KHDRBS2: variants seen among roughly 807,000 people sequenced by gnomAD.
KHDRBS2 encodes KH domain-containing, RNA-binding, signal transduction-associated protein 2.
In KHDRBS2, 26 loss-of-function variants were observed where a neutral mutation model predicts 44.3. The observed-to-expected ratio is 0.59, with a 90% CI of 0.43 to 0.81. KHDRBS2 has a LOEUF of 0.81. Ranked by LOEUF, KHDRBS2 falls within the 40% of genes least tolerant of loss-of-function variation. The probability of loss-of-function intolerance (pLI) is 0.00; values close to 1 mark genes in which losing one functional copy is unlikely to be tolerated. For missense variants in KHDRBS2, 476 were observed against 433.1 expected, an observed-to-expected ratio of 1.10 and a Z score of -0.88; for synonymous variants, 194 against 151.1, an observed-to-expected ratio of 1.28 and a Z score of -2.08.
At chr6:61,578,532 C>A in the KHDRBS2 span, among the ~76,000 whole-genome samples, 2 of 152,100 alleles carry the variant, frequency 1.3e-5, no homozygotes, top group African/African-American at 2.4e-5. Flanking sequence ...TTCCAGATAT[C>A]ATTGCCCTCG....
chr6:62,265,954 T>G (rs1000907486), intron 1 of KHDRBS2, among the ~76,000 whole-genome samples: 2 of 152,068 alleles, frequency 1.3e-5, no homozygotes, highest in Non-Finnish European at 2.9e-5. Flanking sequence ...CTACAATATT[T>G]TACCTCAGCT....
rs183381786 is a variant in KHDRBS2 at position 62,108,744 on chromosome 6, A to G, written c.220-60750T>C. Among the ~76,000 whole-genome samples, 380 of 152,328 alleles carry G rather than the reference A, an allele frequency of 2.5e-3. 1 individual carries two copies. Among genetic ancestry groups the G allele is most frequent in the African/African-American group, 8.9e-3 (369 of 41,576 alleles). ...TGGATTAAGAAAACGTGGCATATATACACCATGGAATACTATGCACCTATA... is the reference window on the plus strand; with the variant it reads ...TGGATTAAGAAAACGTGGCATATATGCACCATGGAATACTATGCACCTATA... On this transcript the variant is annotated intron_variant, in intron 2 of 8. Transcript: ENST00000281156.
At chr6:61,548,524 C>A in the KHDRBS2 span, among the ~76,000 whole-genome samples, 4 of 152,226 alleles carry the variant, frequency 2.6e-5, no homozygotes, top group East Asian at 7.7e-4. Flanking sequence ...ACTAGCAAGG[C>A]AAACTATTAA....
At chr6:61,719,224 C>A (rs886239863) in intron 7 of KHDRBS2, among the ~76,000 whole-genome samples, 1 of 152,080 alleles carries the variant, frequency 6.6e-6, no homozygotes, top group Non-Finnish European at 1.5e-5. Context: ...ATTTCACATC[C>A]AAATTAAATT....
intron 6 of KHDRBS2, among the ~76,000 whole-genome samples, chr6:61,877,875 ATTG>A (rs998177644): frequency 1.4e-4 from 21 of 152,020 alleles, no homozygotes; most frequent in Admixed American, 6.6e-4. Flanking sequence ...TCTTGTGAAG[ATTG>A]TTTTTTCATA....
intron 1 of KHDRBS2, among the ~76,000 whole-genome samples, chr6:62,219,007 CA>C (rs1293431349): frequency 2.0e-5 from 3 of 151,762 alleles, no homozygotes; most frequent in East Asian, 3.9e-4. Context: ...TTCAGAAGCA[CA>C]GGGGGGAAGA....
the KHDRBS2 span, among the ~76,000 whole-genome samples, chr6:61,584,817 A>G: frequency 1.3e-5 from 2 of 151,916 alleles, no homozygotes; most frequent in Non-Finnish European, 2.9e-5. Context: ...AAATCACAAT[A>G]TAACAACTTT....
intron 7 of KHDRBS2, among the ~76,000 whole-genome samples, chr6:61,716,545 A>G (rs749237092): frequency 6.6e-6 from 1 of 152,044 alleles, no homozygotes; most frequent in South Asian, 2.1e-4. Context: ...AACAAGCATT[A>G]CTGACCTTCA....
At chr6:61,607,982 C>A in the KHDRBS2 span, among the ~76,000 whole-genome samples, 1 of 152,118 alleles carries the variant, frequency 6.6e-6, no homozygotes, top group Non-Finnish European at 1.5e-5. Context: ...GACACCATGC[C>A]CGGCCTAGAA....
At chr6:62,045,310 T>C (rs1281747521) in intron 3 of KHDRBS2, among the ~76,000 whole-genome samples, 2 of 152,040 alleles carry the variant, frequency 1.3e-5, no homozygotes, top group Non-Finnish European at 2.9e-5. Flanking sequence ...GATATAGCTA[T>C]GGTTATACAT....
chr6:61,633,623 T>TCTCA, the KHDRBS2 span, among the ~76,000 whole-genome samples: 46 of 152,080 alleles, frequency 3.0e-4, no homozygotes, highest in Non-Finnish European at 5.4e-4. Flanking sequence ...CATCAACTCC[T>TCTCA]TAAAAATGGG....
the KHDRBS2 span, among the ~76,000 whole-genome samples, chr6:61,552,568 CT>C: frequency 3.9e-5 from 6 of 152,050 alleles, no homozygotes; most frequent in Non-Finnish European, 8.8e-5. Context: ...GGCATCTTGT[CT>C]TTTTCTGATT....
At chr6:61,894,597 T>G (rs1802563634) in intron 6 of KHDRBS2, 38 bp downstream of exon 6, 1 of 1,531,800 alleles carries the variant, frequency 6.5e-7, no homozygotes, top group Non-Finnish European at 9.0e-7. Context: ...CTAATCAATT[T>G]AACTCATCCT....
intron 2 of KHDRBS2, among the ~76,000 whole-genome samples, chr6:62,081,705 G>A (rs1279252705): frequency 6.6e-6 from 1 of 152,024 alleles, no homozygotes; most frequent in African/African-American, 2.4e-5. Context: ...TTCACTACTA[G>A]AGTATAAAAC....
intron 1 of KHDRBS2, among the ~76,000 whole-genome samples, chr6:62,228,346 T>C (rs928955859): frequency 6.6e-6 from 1 of 152,214 alleles, no homozygotes; most frequent in African/African-American, 2.4e-5. Context: ...GTAGTTTGTA[T>C]TTCTGTGGGG....
intron 7 of KHDRBS2, among the ~76,000 whole-genome samples, chr6:61,730,368 G>T (rs1483047128): frequency 6.6e-6 from 1 of 151,950 alleles, no homozygotes; most frequent in African/African-American, 2.4e-5. Context: ...TATCCCCATG[G>T]TGTAGAACAT....
At chr6:62,114,499 T>A (rs1398039858) in intron 2 of KHDRBS2, among the ~76,000 whole-genome samples, 1 of 152,046 alleles carries the variant, frequency 6.6e-6, no homozygotes, top group East Asian at 1.9e-4. Context: ...TTATAAGGAG[T>A]ATTAAATAGA....
chr6:62,187,582 C>A (rs1823704208), intron 1 of KHDRBS2, among the ~76,000 whole-genome samples: 1 of 151,990 alleles, frequency 6.6e-6, no homozygotes, highest in Non-Finnish European at 1.5e-5. Flanking sequence ...ATTTTGATGA[C>A]TTTTAACATA....
At chr6:62,020,726 T>A (rs1164463641) in intron 3 of KHDRBS2, among the ~76,000 whole-genome samples, 1 of 152,038 alleles carries the variant, frequency 6.6e-6, no homozygotes, top group Non-Finnish European at 1.5e-5. Flanking sequence ...ATCTGAAATC[T>A]AAGTTATCTG....
Sources: allele counts gnomAD v4.1 joint callset (sites outside exome capture counted in the v4.1 genomes callset), GRCh38; gene constraint gnomAD v4.1.1; transcripts MANE v1.5; gene names NCBI Gene and HGNC (gene_info 2026-07-23, HGNC 2026-07-21).